The following RORA variants were observed in gnomAD, a reference collection of about 807,000 sequenced individuals.
RORA encodes the protein RAR related orphan receptor A.
Under a neutral mutation model 69.5 loss-of-function variants are expected in RORA, and 7 were observed. That is an observed-to-expected ratio of 0.10 (90% CI 0.06 to 0.19). The LOEUF (loss-of-function observed/expected upper bound fraction) is 0.19, where lower values mean the gene tolerates loss of function less well. RORA is among the 10% of genes least tolerant of loss of function. RORA has a pLI of 1.00. For missense variants in RORA, 457 were observed against 663.0 expected (o/e 0.69, Z 3.41); for synonymous variants, 261 against 240.8 (o/e 1.08, Z -0.78).
intron 1 of RORA, among the ~76,000 whole-genome samples, chr15:60,912,727 C>T (rs943399586): frequency 6.6e-6 from 1 of 151,720 alleles, no homozygotes; most frequent in Non-Finnish European, 1.5e-5. Context: ...GCACTCCAGC[C>T]TGGGTGACAG....
intron 1 of RORA, among the ~76,000 whole-genome samples, chr15:61,216,028 T>C (rs972703228): frequency 6.6e-6 from 1 of 152,184 alleles, no homozygotes; most frequent in Non-Finnish European, 1.5e-5. Context: ...ATGCAGTATA[T>C]CAAAACTAAA....
chr15:61,160,381 A>C (rs780266706), intron 1 of RORA, among the ~76,000 whole-genome samples: 3 of 152,228 alleles, frequency 2.0e-5, no homozygotes, highest in Non-Finnish European at 4.4e-5. Context: ...TTCATGTTAC[A>C]TTACACATTT....
Position 60,502,741 on chromosome 15 carries a change from C to T in RORA, c.1183+19G>A. 6.9e-7 allele frequency: 1 copy of T among 1,444,696 alleles called. No homozygotes were observed. The highest frequency in any genetic ancestry group is 9.7e-7 in the Non-Finnish European group (1 of 1,026,712). The allele number at this position is 1,444,696 out of a possible 1,614,324, so 89.5% of individuals were successfully genotyped here. A position where few individuals can be genotyped will look rare whatever the true frequency, so the allele number is the denominator to read the frequency against. On this transcript the variant is annotated intron_variant, in intron 8 of 10. Transcript: ENST00000335670. ...CTATAGCCCTGATTTGAAGAAAAGG[C>T]ACCTTGATATCCCCTTACCTAAGGA...
At chr15:61,144,293 G>A (rs995214937) in intron 1 of RORA, among the ~76,000 whole-genome samples, 14 of 152,192 alleles carry the variant, frequency 9.2e-5, no homozygotes, top group Admixed American at 5.2e-4. Context: ...CTCGAGCTGC[G>A]ATGGCCATTC....
intron 1 of RORA, among the ~76,000 whole-genome samples, chr15:61,114,982 A>C (rs2079037630): frequency 6.6e-6 from 1 of 152,250 alleles, no homozygotes; most frequent in Non-Finnish European, 1.5e-5. Context: ...GTGCTTTAAA[A>C]AATATTTCTA....
At chr15:60,604,132 C>CAAA (rs3053857) in intron 2 of RORA, among the ~76,000 whole-genome samples, 20 of 91,934 alleles carry the variant, frequency 2.2e-4, no homozygotes, top group Non-Finnish European at 3.4e-4. Context: ...GACTCTGTCT[C>CAAA]AAAAAAAAAA....
chr15:61,183,207 CAA>C (rs2079704757), intron 1 of RORA: 1 of 152,214 alleles, frequency 6.6e-6, no homozygotes, highest in Admixed American at 6.5e-5. Context: ...ACTATCTTTA[CAA>C]CTGTTCTGCA....
In RORA at chr15:60,815,960, G is replaced by C. The variant is rs1467601888; in HGVS notation, c.167-137274C>G. ...AAATAGTGTATATATACTATAAATA[G>C]TATATGTATTTATTTACTATAAATA... is the stretch of plus-strand genomic sequence containing the variant. On this transcript the variant is annotated intron_variant, in intron 1 of 10. Transcript: ENST00000335670. Among the ~76,000 whole-genome samples the C allele has an allele frequency of 2.1e-5, 3 of 144,586 alleles. 1 individual carries two copies. Among genetic ancestry groups the C allele is most frequent in the Non-Finnish European group, 4.5e-5 (3 of 66,836 alleles). The allele number at this position is 144,586 out of a possible 152,430, so 94.9% of individuals were successfully genotyped here.
chr15:60,539,399 G>A (rs1278267116), intron 2 of RORA, among the ~76,000 whole-genome samples: 1 of 152,148 alleles, frequency 6.6e-6, no homozygotes, highest in African/African-American at 2.4e-5. Flanking sequence ...AAATCCAAAT[G>A]AGCACTTTTA....
chr15:60,970,786 TCA>T (rs1232649807), intron 1 of RORA, among the ~76,000 whole-genome samples: 36 of 152,266 alleles, frequency 2.4e-4, no homozygotes, highest in Non-Finnish European at 1.3e-4. Context: ...TCCTTGACGA[TCA>T]CAGAGATTTT....
intron 1 of RORA, among the ~76,000 whole-genome samples, chr15:60,892,851 C>G (rs1891116871): frequency 6.6e-6 from 1 of 152,200 alleles, no homozygotes. Context: ...CCCAGCCTGA[C>G]AAGAAGTTGT....
chr15:60,748,476 C>T (rs1291978430), intron 1 of RORA, among the ~76,000 whole-genome samples: 1 of 152,208 alleles, frequency 6.6e-6, no homozygotes, highest in Non-Finnish European at 1.5e-5. Context: ...ATGTTTCACA[C>T]TTCTTTGACT....
intron 1 of RORA, among the ~76,000 whole-genome samples, chr15:60,791,684 C>T (rs1269803931): frequency 1.3e-5 from 2 of 152,186 alleles, no homozygotes; most frequent in African/African-American, 4.8e-5. Context: ...AATATATGTG[C>T]ATGAGGGAGA....
intron 1 of RORA, among the ~76,000 whole-genome samples, chr15:60,923,965 A>T (rs1280884923): frequency 6.6e-6 from 1 of 152,210 alleles, no homozygotes; most frequent in Non-Finnish European, 1.5e-5. Context: ...ACGATGACTG[A>T]CCATGATCAT....
chr15:60,737,061 C>T (rs781660128), intron 1 of RORA, among the ~76,000 whole-genome samples: 4 of 152,174 alleles, frequency 2.6e-5, no homozygotes, highest in Non-Finnish European at 4.4e-5. Flanking sequence ...CAGACCTGAA[C>T]CCCTGCAGTG....
Position 60,490,901 on chromosome 15 carries a change from A to G in RORA, c.*6554T>C, listed in dbSNP as rs1018728981. 6 of 152,172 alleles carry G rather than the reference A, an allele frequency of 3.9e-5. No individual in the cohort carries two copies. The highest frequency in any genetic ancestry group is 7.4e-5 in the Non-Finnish European group (5 of 68,012). 9.4% of individuals were successfully genotyped at this position (152,172 alleles called of 1,614,324 possible). A position where few individuals can be genotyped will look rare whatever the true frequency, so the allele number is the denominator to read the frequency against. ...GTTTGTCATATGTTAAATATTATTT[A>G]AAGTGGGAAAATATGTTGTAGCTTG... On this transcript the variant is annotated 3_prime_UTR_variant, in exon 11 of 11. Transcript: ENST00000335670. This position sits in a 1 kb window ranked among gnomAD's most constrained non-coding sequence, Gnocchi z 4.1.
chr15:61,204,985 G>A (rs1288574650), intron 1 of RORA, among the ~76,000 whole-genome samples: 6 of 152,204 alleles, frequency 3.9e-5, no homozygotes, highest in Non-Finnish European at 8.8e-5. Flanking sequence ...TCAATGTGCT[G>A]GTCGGCACCA....
intron 2 of RORA, among the ~76,000 whole-genome samples, chr15:60,564,989 C>T (rs541150929): frequency 1.3e-5 from 2 of 152,186 alleles, no homozygotes; most frequent in East Asian, 1.9e-4. Context: ...CTTGTGAGCT[C>T]GGTAAATGTT....
rs553354637 is a variant in RORA, at chr15:61,020,857, G to A, written c.166+208196C>T. Among the ~76,000 whole-genome samples the A allele has an allele frequency of 2.0e-5, 3 of 152,246 alleles. No individual in the cohort carries two copies. The South Asian group carries it at 6.2e-4, about 32-fold the overall frequency. The stretch of plus-strand genomic sequence containing the variant: ...ATCTATCTTTTCTCCTTCCCAAATG[G>A]TAACAGACCTTTGTGCTGAATTAGG... On this transcript the variant is annotated intron_variant, in intron 1 of 10. Coordinates refer to ENST00000335670, the MANE Select transcript of RORA (RefSeq NM_134261.3).
Sources: allele counts gnomAD v4.1 joint callset (sites outside exome capture counted in the v4.1 genomes callset), GRCh38; gene constraint gnomAD v4.1.1; non-coding constraint Gnocchi (gnomAD v3.1); transcripts MANE v1.5; gene names NCBI Gene and HGNC (gene_info 2026-07-23, HGNC 2026-07-21).